MED9: variants seen among roughly 807,000 people sequenced by gnomAD.
MED9 encodes the protein mediator complex subunit 9.
Under a neutral mutation model 13.2 loss-of-function variants are expected in MED9, and 8 were observed. The observed-to-expected ratio is 0.61, with a 90% CI of 0.36 to 1.10. MED9 has a LOEUF of 1.10. MED9 is among the 50% of genes least tolerant of loss of function. The pLI, the probability that MED9 is intolerant of heterozygous loss-of-function variation, is 0.02. For missense variants in MED9, 180 were observed against 193.4 expected (o/e 0.93, Z 0.41); for synonymous variants, 87 against 82.8 (o/e 1.05, Z -0.28).
intron 1 of MED9, chr17:17,487,863 C>G (rs971510609): frequency 1.3e-5 from 2 of 152,334 alleles, no homozygotes; most frequent in South Asian, 2.1e-4. Context: ...GTAGAAAAAG[C>G]AAGAATGAGA....
At chr17:17,479,951 C>T (rs1029567978) in intron 1 of MED9, among the ~76,000 whole-genome samples, 1 of 152,120 alleles carries the variant, frequency 6.6e-6, no homozygotes, top group Non-Finnish European at 1.5e-5. Context: ...AGTGCAAGGA[C>T]CCCCTGGAAA....
Position 17,477,176 on chromosome 17 carries a change from G to A in MED9, c.135G>A (p.Gln45=), listed in dbSNP as rs1455918218. The A allele has an allele frequency of 6.2e-7, 1 of 1,610,258 alleles. No individual in the cohort carries two copies. The highest frequency in any genetic ancestry group is 1.1e-5 in the South Asian group (1 of 90,786). ...CGGTCCCTGCGCCTCAACCGCAGCA[G>A]TCGCCGGCGCCACGGCCTCAGTCAC... ...PPPVPAPQPQ[Q]SPAPRPQSPA... The change falls in exon 1 of 2, where the codon CAG becomes CAA. Residue 45 remains glutamine, a synonymous_variant. Coordinates refer to ENST00000268711, the MANE Select transcript of MED9 (RefSeq NM_018019.3).
intron 1 of MED9, chr17:17,485,328 G>T (rs1236015518): frequency 5.0e-6 from 2 of 398,482 alleles, no homozygotes; most frequent in Non-Finnish European, 4.4e-6. Context: ...CAAGTGATCT[G>T]CTGACTTCAG....
In MED9 at chr17:17,491,799, G is replaced by A; in HGVS notation, c.*304G>A. 2.5e-6 allele frequency: 1 copy of A among 396,178 alleles called. No individual in the cohort carries two copies. Among genetic ancestry groups the A allele is most frequent in the South Asian group, 2.3e-5 (1 of 43,348 alleles). The allele number at this position is 396,178 out of a possible 1,614,324, so 24.5% of individuals were successfully genotyped here. A position where few individuals can be genotyped will look rare whatever the true frequency, so the allele number is the denominator to read the frequency against. ...GGGTGGAGGACTCTCCCCTGCCTCT[G>A]GGGAGGGGGCCATCTGCTGCGCCCG... On this transcript the variant is annotated 3_prime_UTR_variant, in exon 2 of 2. Coordinates refer to ENST00000268711, the MANE Select transcript of MED9 (RefSeq NM_018019.3).
At chr17:17,477,683 A>C in intron 1 of MED9, 1 of 161,442 alleles carries the variant, frequency 6.2e-6, no homozygotes. Context: ...GGATGGACGC[A>C]GTAAAAGGGG....
In MED9 at chr17:17,479,711, C is replaced by T. The variant is rs527587583; in HGVS notation, c.224+2446C>T. Among the ~76,000 whole-genome samples the T allele has an allele frequency of 5.9e-5, 9 of 152,254 alleles. No individual in the cohort carries two copies. The East Asian group carries it at 1.7e-3, about 29-fold the overall frequency. ...GGCATGGTGGTGTGTGCCTGCAGTC[C>T]TGGCTACTTGGGAGGCTGAAGTGGG... On this transcript the variant is annotated intron_variant, in intron 1 of 1. Transcript: ENST00000268711.
At position 17,491,464 on chromosome 17, in the gene MED9, G is replaced by T; in HGVS notation, c.410G>T (p.Ser137Ile). ...TKNELLQKYKSLCMFEIPKE is the reference protein window; with the variant it reads ...TKNELLQKYKILCMFEIPKE ...AATGAGCTTCTGCAAAAGTACAAGA[G>T]CCTCTGCATGTTCGAAATCCCCAAG... The change falls in exon 2 of 2, where the codon AGC becomes ATC. Residue 137 changes from serine to isoleucine, a missense_variant. Coordinates refer to ENST00000268711, the MANE Select transcript of MED9 (RefSeq NM_018019.3). 6.2e-7 allele frequency: 1 copy of T among 1,613,894 alleles called. No individual in the cohort carries two copies. The highest frequency in any genetic ancestry group is 1.7e-5 in the Admixed American group (1 of 60,026).
In MED9 at chr17:17,485,227, G is replaced by A. The variant is rs1041153297; in HGVS notation, c.225-6052G>A. 4.6e-5 allele frequency: 18 copies of A among 393,878 alleles called. No homozygotes were observed. The Admixed American group carries it at 7.5e-4, about 17-fold the overall frequency. The allele number at this position is 393,878 out of a possible 1,614,324, so 24.4% of individuals were successfully genotyped here. ...GTATTTTTAGTAGAGACAGGGTTTC[G>A]TCTCTGTCTACAGGCACACGCCACC... is the stretch of plus-strand genomic sequence containing the variant. On this transcript the variant is annotated intron_variant, in intron 1 of 1. Coordinates refer to ENST00000268711, the MANE Select transcript of MED9 (RefSeq NM_018019.3).
chr17:17,479,147 T>C (rs941553403), intron 1 of MED9, among the ~76,000 whole-genome samples: 4 of 152,222 alleles, frequency 2.6e-5, no homozygotes, highest in Admixed American at 2.6e-4. Flanking sequence ...AAAGATGTAG[T>C]AGTAAGTTAT....
intron 1 of MED9, among the ~76,000 whole-genome samples, chr17:17,479,382 T>G (rs1175390594): frequency 6.6e-6 from 1 of 152,218 alleles, no homozygotes; most frequent in Non-Finnish European, 1.5e-5. Context: ...TCTCTGAGCC[T>G]GTTTTTCTCT....
intron 1 of MED9, chr17:17,477,746 G>A (rs1018491796): frequency 6.5e-6 from 1 of 154,058 alleles, no homozygotes; most frequent in African/African-American, 2.4e-5. Flanking sequence ...ACATGATTGG[G>A]AATAACCCAC....
intron 1 of MED9, chr17:17,487,122 G>C (rs1311633267): frequency 6.6e-6 from 1 of 152,308 alleles, no homozygotes; most frequent in Non-Finnish European, 1.5e-5. Flanking sequence ...TGGAGAACCT[G>C]TGTGTCCAAA....
chr17:17,480,826 G>A (rs1905021329), intron 1 of MED9, among the ~76,000 whole-genome samples: 1 of 152,150 alleles, frequency 6.6e-6, no homozygotes, highest in Non-Finnish European at 1.5e-5. Context: ...TTCAGTATAG[G>A]CGTGTCTTTG....
At chr17:17,491,252 A>G in intron 1 of MED9, 27 bp from the exon 2 acceptor site, 1 of 1,586,816 alleles carries the variant, frequency 6.3e-7, no homozygotes, top group Non-Finnish European at 8.6e-7. Flanking sequence ...CAAGCTGTGA[A>G]TGCTAACAGC....
At chr17:17,488,277 T>G (rs1440282794) in intron 1 of MED9, 1 of 152,044 alleles carries the variant, frequency 6.6e-6, no homozygotes, top group East Asian at 1.9e-4. Context: ...CACCAAAAGG[T>G]CAAAAGAAAT....
intron 1 of MED9, chr17:17,485,885 TAGC>T (rs1295891900): frequency 6.6e-6 from 1 of 152,276 alleles, no homozygotes; most frequent in Non-Finnish European, 1.5e-5. Context: ...GTAATGCTGT[TAGC>T]AGATGAAAGC....
Position 17,483,385 on chromosome 17 carries a change from G to A in MED9, c.224+6120G>A, listed in dbSNP as rs1393978852. On this transcript the variant is annotated intron_variant, in intron 1 of 1. Coordinates refer to ENST00000268711, the MANE Select transcript of MED9 (RefSeq NM_018019.3). This position sits in a 1 kb window ranked among gnomAD's most constrained non-coding sequence, Gnocchi z 4.2. ...AAAGCCCACAGAGGGTCCTCTTGCT[G>A]CAGGTGCTGTTGGGTGGGCGGAGTC... Among the ~76,000 whole-genome samples the A allele has an allele frequency of 1.1e-4, 16 of 152,162 alleles. No homozygotes were observed.
chr17:17,478,751 G>A (rs1904973098), intron 1 of MED9, among the ~76,000 whole-genome samples: 2 of 152,062 alleles, frequency 1.3e-5, no homozygotes, highest in Non-Finnish European at 2.9e-5. Context: ...CAGCTACTCA[G>A]GAGGCTGAGG....
intron 1 of MED9, chr17:17,485,320 A>G: frequency 2.5e-6 from 1 of 398,630 alleles, no homozygotes; most frequent in Non-Finnish European, 4.4e-6. Flanking sequence ...GCTGGCCTCA[A>G]GTGATCTGCT....
Sources: allele counts gnomAD v4.1 joint callset (sites outside exome capture counted in the v4.1 genomes callset), GRCh38; gene constraint gnomAD v4.1.1; non-coding constraint Gnocchi (gnomAD v3.1); transcripts MANE v1.5; gene names NCBI Gene and HGNC (gene_info 2026-07-23, HGNC 2026-07-21).